The following NELL2 variants were observed in gnomAD, a reference collection of about 807,000 sequenced individuals.
NELL2 encodes the protein neural EGFL like 2.
In NELL2, 41 loss-of-function variants were observed where a neutral mutation model predicts 109.6. That is an observed-to-expected ratio of 0.37 (90% CI 0.29 to 0.49). NELL2 has a LOEUF of 0.49. Among genes scored for constraint, NELL2 ranks in the 20% least tolerant of loss-of-function variants. NELL2 has a pLI of 0.98. For synonymous variants in NELL2, 355 were observed against 344.7 expected, an observed-to-expected ratio of 1.03 and a Z score of -0.33; for missense variants, 900 against 1,008.3, an observed-to-expected ratio of 0.89 and a Z score of 1.45.
intron 3 of NELL2, 84 bp from the exon 4 acceptor site, chr12:44,780,106 G>A: frequency 1.4e-6 from 2 of 1,428,472 alleles, no homozygotes; most frequent in Non-Finnish European, 1.9e-6. Flanking sequence ...GGATGGAATA[G>A]ATGTACTTTT....
chr12:44,682,162 T>C (rs1436112746), intron 12 of NELL2, among the ~76,000 whole-genome samples: 1 of 149,990 alleles, frequency 6.7e-6, no homozygotes, highest in Non-Finnish European at 1.5e-5. Context: ...ATTTCTCTGA[T>C]GGCCAGAGAT....
chr12:44,656,310 C>CATTACTTA (rs747614464), intron 13 of NELL2, among the ~76,000 whole-genome samples: 372 of 135,440 alleles, frequency 2.7e-3, no homozygotes, highest in Non-Finnish European at 5.2e-3. Flanking sequence ...CCAGAGTAAC[C>CATTACTTA]GTACATCAAG....
intron 3 of NELL2, among the ~76,000 whole-genome samples, chr12:44,805,779 T>C (rs966298677): frequency 6.6e-6 from 1 of 151,860 alleles, no homozygotes; most frequent in Non-Finnish European, 1.5e-5. Context: ...TAGTATTAAT[T>C]GCAATACCAA....
At chr12:44,800,354 A>C (rs1942786524) in intron 3 of NELL2, among the ~76,000 whole-genome samples, 2 of 152,104 alleles carry the variant, frequency 1.3e-5, no homozygotes. Flanking sequence ...ACATAAATTA[A>C]ATACTATTGT....
chr12:44,899,067 G>GAAA (rs548712073), intron 1 of NELL2, among the ~76,000 whole-genome samples: 2 of 146,396 alleles, frequency 1.4e-5, no homozygotes, highest in African/African-American at 5.0e-5. Context: ...AAAAAAGAAT[G>GAAA]AAAAAAAAAC....
intron 1 of NELL2, chr12:44,881,772 A>G (rs1945414459): frequency 1.3e-5 from 2 of 152,052 alleles, no homozygotes; most frequent in Non-Finnish European, 2.9e-5. Flanking sequence ...AAAAGACATA[A>G]ACTTACAGAT....
intron 15 of NELL2, among the ~76,000 whole-genome samples, chr12:44,606,373 AC>A (rs758506906): frequency 3.2e-4 from 49 of 152,276 alleles, no homozygotes; most frequent in Non-Finnish European, 4.9e-4. Context: ...GTATGAGATG[AC>A]AACTGTCAAT....
chr12:44,737,486 C>CT (rs1168880686), intron 9 of NELL2, among the ~76,000 whole-genome samples: 1 of 152,032 alleles, frequency 6.6e-6, no homozygotes, highest in Non-Finnish European at 1.5e-5. Flanking sequence ...CAACAAATCT[C>CT]TAAGAATATT....
At chr12:44,522,542 CAT>C (rs1941585667) in intron 17 of NELL2, among the ~76,000 whole-genome samples, 1 of 152,144 alleles carries the variant, frequency 6.6e-6, no homozygotes, top group African/African-American at 2.4e-5. Context: ...TGTTTGAGGA[CAT>C]GTGTTTTAAT....
At chr12:44,768,931 G>T (rs1045790013) in intron 9 of NELL2, among the ~76,000 whole-genome samples, 1 of 151,912 alleles carries the variant, frequency 6.6e-6, no homozygotes, top group African/African-American at 2.4e-5. Flanking sequence ...ATGTTTACTG[G>T]TTACTTTGTT....
chr12:44,787,682 C>A (rs376498643), intron 3 of NELL2, among the ~76,000 whole-genome samples: 14 of 151,468 alleles, frequency 9.2e-5, no homozygotes, highest in African/African-American at 3.4e-4. Flanking sequence ...TACAAAAGAG[C>A]AAAGGTAATC....
At chr12:44,610,241 C>CAAAAAAAAAAAA (rs34987677) in intron 14 of NELL2, among the ~76,000 whole-genome samples, 3 of 113,946 alleles carry the variant, frequency 2.6e-5, no homozygotes, top group Non-Finnish European at 2.0e-5. Context: ...CACAAGAGAG[C>CAAAAAAAAAAAA]AAAAAAAAAA....
chr12:44,751,754 G>T (rs1197107773), intron 9 of NELL2, among the ~76,000 whole-genome samples: 1 of 152,016 alleles, frequency 6.6e-6, no homozygotes, highest in Non-Finnish European at 1.5e-5. Flanking sequence ...TAAAAATAAT[G>T]AGTTCATCAA....
chr12:44,589,509 G>A (rs555833876), intron 15 of NELL2, among the ~76,000 whole-genome samples: 19 of 151,968 alleles, frequency 1.3e-4, no homozygotes, highest in African/African-American at 3.6e-4. Flanking sequence ...TCAGCCTCCC[G>A]AGTAGCTGGG....
In NELL2 at chr12:44,886,137, AAGGAAGG is replaced by A. The variant is rs1566593527; in HGVS notation, c.39-10244_39-10238del. Among the ~76,000 whole-genome samples, 400 of 141,672 alleles carry A rather than the reference AAGGAAGG, an allele frequency of 2.8e-3. 6 individuals carry two copies. The highest frequency in any genetic ancestry group is 0.01 in the African/African-American group (372 of 37,082). The allele number at this position is 141,672 out of a possible 152,430, so 92.9% of individuals were successfully genotyped here. On this transcript the variant is annotated intron_variant, in intron 1 of 20. Coordinates refer to the NELL2 transcript ENST00000333837. Reference sequence around the variant, plus strand: ...GAAGGAAGGAAGGAAGGAAGGAAGGAAGGAAGGAAGAAAGGGAGAGAATCCTCATCTT... The same window carrying A: ...GAAGGAAGGAAGGAAGGAAGGAAGGAAAGAAAGGGAGAGAATCCTCATCTT...
chr12:44,538,387 A>G (rs1337615898), intron 15 of NELL2, among the ~76,000 whole-genome samples: 2 of 152,238 alleles, frequency 1.3e-5, no homozygotes, highest in African/African-American at 4.8e-5. Context: ...GAGGTATCTA[A>G]TATGTGCACA....
chr12:44,520,677 G>C (rs1941485408), intron 18 of NELL2, among the ~76,000 whole-genome samples: 1 of 151,874 alleles, frequency 6.6e-6, no homozygotes, highest in African/African-American at 2.4e-5. Context: ...ACTAAAATAT[G>C]AAGGCAATAT....
intron 12 of NELL2, among the ~76,000 whole-genome samples, chr12:44,688,477 C>T (rs540372844): frequency 6.6e-5 from 10 of 152,248 alleles, no homozygotes; most frequent in African/African-American, 2.4e-4. Context: ...CATTTTTAAT[C>T]GTACTTAATC....
intron 12 of NELL2, among the ~76,000 whole-genome samples, chr12:44,690,053 C>A (rs1020010176): frequency 6.6e-6 from 1 of 152,106 alleles, no homozygotes; most frequent in African/African-American, 2.4e-5. Context: ...TAAAAATAGT[C>A]CTTCTCCCAC....
Sources: gnomAD v4.1 joint callset for allele counts (sites outside exome capture counted in the v4.1 genomes callset) on GRCh38, gnomAD v4.1.1 for gene constraint, MANE v1.5 for transcripts, NCBI Gene and HGNC (gene_info 2026-07-23, HGNC 2026-07-21) for gene names.